The following NDUFS1 variants were observed in gnomAD, a reference collection of about 807,000 sequenced individuals.
NDUFS1 encodes the protein NADH:ubiquinone oxidoreductase core subunit S1.
In NDUFS1, 61 loss-of-function variants were observed where a neutral mutation model predicts 84.4. The ratio of observed to expected loss-of-function variants is 0.72; its 90% CI spans 0.59 to 0.89. NDUFS1 has a LOEUF of 0.89. NDUFS1 is among the 40% of genes least tolerant of loss of function. NDUFS1 has a pLI of 0.00. For missense variants in NDUFS1, 891 were observed against 890.0 expected, an observed-to-expected ratio of 1.00 and a Z score of -0.01; for synonymous variants, 275 against 290.0, an observed-to-expected ratio of 0.95 and a Z score of 0.53.
chr2:206,124,168 G>C lies in NDUFS1; in HGVS notation c.*17C>G. Reference sequence around the variant, plus strand: ...CCATTAATTATCTGCGGCAAAACTGGGATCCTAGTAGAAGCTTCAGCATAT... The same window carrying C: ...CCATTAATTATCTGCGGCAAAACTGCGATCCTAGTAGAAGCTTCAGCATAT... On this transcript the variant is annotated 3_prime_UTR_variant, in exon 19 of 19. Transcript: ENST00000233190. 1 of 1,550,168 alleles carries C rather than the reference G, an allele frequency of 6.5e-7. No homozygotes were observed. Among genetic ancestry groups the C allele is most frequent in the Non-Finnish European group, 8.9e-7 (1 of 1,121,974 alleles).
rs1187268506 is a variant in NDUFS1 at position 206,126,759 on chromosome 2, T to C, written c.1970A>G (p.Asp657Gly). 6.2e-7 allele frequency: 1 copy of C among 1,614,182 alleles called. No individual in the cohort carries two copies. The highest frequency in any genetic ancestry group is 8.5e-7 in the Non-Finnish European group (1 of 1,180,036). ...EEVSPNLVRY[D>G]DIEGANYFQQ... ...GAAGTAATTAGCCCCTTCAATATCA[T>C]CATATCGAACAAGATTAGGAGAGAC... Residue 657 changes from aspartate to glycine, a missense_variant, in exon 17 of 19, where the codon GAT becomes GGT. Asp to Gly is a moderately conservative substitution (Grantham distance 94). Coordinates refer to ENST00000233190, the MANE Select transcript of NDUFS1 (RefSeq NM_005006.7).
At chr2:206,150,790 T>C (rs1282645605) in intron 3 of NDUFS1, among the ~76,000 whole-genome samples, 2 of 152,140 alleles carry the variant, frequency 1.3e-5, no homozygotes, top group Non-Finnish European at 2.9e-5. Context: ...AAATGATTTC[T>C]CTCCCCTCTA....
In NDUFS1 at chr2:206,133,013, G is replaced by T; in HGVS notation, c.1485C>A (p.Ser495Arg). Residue 495 changes from serine to arginine, a missense_variant, in exon 14 of 19, where the codon AGC becomes AGA. Coordinates refer to ENST00000233190, the MANE Select transcript of NDUFS1 (RefSeq NM_005006.7). The stretch of plus-strand genomic sequence containing the variant: ...TAGTCATCCGAATCTTTTGTGCAAT[G>T]CTAGAAACAGCTGCAAGAATTGCTG... ...DGAAILAAVS[S>R]IAQKIRMTSG... 6.2e-7 allele frequency: 1 copy of T among 1,613,676 alleles called. No individual in the cohort carries two copies. The highest frequency in any genetic ancestry group is 8.5e-7 in the Non-Finnish European group (1 of 1,179,752).
intron 13 of NDUFS1, among the ~76,000 whole-genome samples, chr2:206,135,844 T>C (rs1691688691): frequency 6.6e-6 from 1 of 152,106 alleles, no homozygotes; most frequent in Non-Finnish European, 1.5e-5. Flanking sequence ...AATAAACAAG[T>C]TGTGCTTTGC....
intron 1 of NDUFS1, 71 bp downstream of exon 1, chr2:206,159,270 G>A (rs1687814224): frequency 1.2e-6 from 1 of 818,436 alleles, no homozygotes; most frequent in Non-Finnish European, 2.0e-6. Context: ...GTGGGCCAAA[G>A]GAAACAGTCC....
At chr2:206,130,375 G>T in intron 14 of NDUFS1, 133 bp from the exon 15 acceptor site, 1 of 1,182,648 alleles carries the variant, frequency 8.5e-7, no homozygotes, top group Non-Finnish European at 1.2e-6. Context: ...TTTTCTCGGC[G>T]ATAGAGTCTC....
At position 206,119,194 on chromosome 2, in the gene NDUFS1, C is replaced by T. The variant is rs1196054430; in HGVS notation, c.*4991G>A. On this transcript the variant is annotated 3_prime_UTR_variant, in exon 19 of 19. Transcript: ENST00000233190. ...GAAATTTTCCTACAATGATCATCCT[C>T]AGTTAGCACATGGGGCATTTAGTAT... 1 of 152,154 alleles carries T rather than the reference C, an allele frequency of 6.6e-6. No individual in the cohort carries two copies. The highest frequency in any genetic ancestry group is 1.5e-5 in the Non-Finnish European group (1 of 68,040). 9.4% of individuals were successfully genotyped at this position (152,154 alleles called of 1,614,324 possible). A position where few individuals can be genotyped will look rare whatever the true frequency, so the allele number is the denominator to read the frequency against.
intron 8 of NDUFS1, among the ~76,000 whole-genome samples, chr2:206,145,773 A>C (rs1370815740): frequency 1.3e-5 from 2 of 152,194 alleles, no homozygotes; most frequent in African/African-American, 4.8e-5. Context: ...AGGCCGGGGC[A>C]GGCTGTGAAG....
At chr2:206,137,333 G>A (rs1183027371) in intron 13 of NDUFS1, among the ~76,000 whole-genome samples, 1 of 152,092 alleles carries the variant, frequency 6.6e-6, no homozygotes, top group Non-Finnish European at 1.5e-5. Flanking sequence ...AATTAGCCAG[G>A]TGTGGTGGTG....
At chr2:206,144,184 A>G (rs549424943) in intron 9 of NDUFS1, 52 bp from the exon 10 acceptor site, 3 of 1,360,676 alleles carry the variant, frequency 2.2e-6, no homozygotes, top group African/African-American at 2.9e-5. Context: ...AAGTAACTAT[A>G]ATTTTCAAGT....
Position 206,149,015 on chromosome 2 carries a change from A to C in NDUFS1, c.338+5T>G, listed in dbSNP as rs1330778662. On this transcript the variant is annotated splice_donor_5th_base_variant and intron_variant, in intron 5 of 18. Transcript: ENST00000233190. ...AGGGTACTACATTGAATAACAATAA[A>C]GTACCTGGCTTTTTTGGATTTTTCT... 6.2e-7 allele frequency: 1 copy of C among 1,600,752 alleles called. No individual in the cohort carries two copies. Among genetic ancestry groups the C allele is most frequent in the African/African-American group, 1.3e-5 (1 of 74,556 alleles).
intron 18 of NDUFS1, 130 bp downstream of exon 18, chr2:206,126,409 G>T: frequency 1.1e-6 from 1 of 902,560 alleles, no homozygotes; most frequent in Non-Finnish European, 1.8e-6. Context: ...TAGTTCCAAT[G>T]TTTGAAAACC....
Position 206,159,321 on chromosome 2 carries a change from C to G in NDUFS1, c.-5+20G>C, listed in dbSNP as rs1687816786. 6.2e-6 allele frequency: 4 copies of G among 647,140 alleles called. No individual in the cohort carries two copies. Among genetic ancestry groups the G allele is most frequent in the Non-Finnish European group, 8.2e-6 (3 of 364,430 alleles). 40.1% of individuals were successfully genotyped at this position (647,140 alleles called of 1,614,324 possible). On this transcript the variant is annotated intron_variant, in intron 1 of 18. Coordinates refer to ENST00000233190, the MANE Select transcript of NDUFS1 (RefSeq NM_005006.7). Reference sequence around the variant, plus strand: ...CTCTGGCCGACGCACCTCACCCTTCCCATCCATACAAGACCTCACCTTCTC... The same window carrying G: ...CTCTGGCCGACGCACCTCACCCTTCGCATCCATACAAGACCTCACCTTCTC...
rs770487974 is a variant in NDUFS1 at position 206,121,781 on chromosome 2, T to C, written c.*2404A>G. 6.6e-6 allele frequency: 1 copy of C among 152,008 alleles called. No individual in the cohort carries two copies. Among genetic ancestry groups the C allele is most frequent in the Non-Finnish European group, 1.5e-5 (1 of 68,010 alleles). 9.4% of individuals were successfully genotyped at this position (152,008 alleles called of 1,614,324 possible). On this transcript the variant is annotated 3_prime_UTR_variant, in exon 19 of 19. Coordinates refer to ENST00000233190, the MANE Select transcript of NDUFS1 (RefSeq NM_005006.7). ...CAAGGTATTTTTTAGAGATTATGAT[T>C]GTTCACCACAAGCTGCCTAGCAGGT...
intron 14 of NDUFS1, among the ~76,000 whole-genome samples, chr2:206,130,837 T>A (rs1414968502): frequency 6.6e-6 from 1 of 152,216 alleles, no homozygotes; most frequent in Non-Finnish European, 1.5e-5. Flanking sequence ...TTAAGTCTGA[T>A]TCTTATTCAA....
intron 8 of NDUFS1, 53 bp from the exon 9 acceptor site, chr2:206,145,079 T>C (rs1458493977): frequency 1.3e-6 from 2 of 1,526,188 alleles, no homozygotes; most frequent in Non-Finnish European, 1.8e-6. Context: ...AAAGAAAGTT[T>C]CTGTTACCTG....
rs369413349 is a variant in NDUFS1, at chr2:206,138,467, C to T, written c.1392+18G>A. ...AATTAAAAATCAACAAGAGTAGATA[C>T]ACATAAGTTGAGAGCACCTGGCTAA... On this transcript the variant is annotated intron_variant, in intron 13 of 18. Coordinates refer to ENST00000233190, the MANE Select transcript of NDUFS1 (RefSeq NM_005006.7). 3.9e-5 allele frequency: 62 copies of T among 1,609,902 alleles called. No individual in the cohort carries two copies. Among genetic ancestry groups the T allele is most frequent in the South Asian group, 1.1e-4 (10 of 90,986 alleles).
At chr2:206,159,173 AG>A (rs1687807318) in intron 1 of NDUFS1, 167 bp downstream of exon 1, 2 of 1,535,164 alleles carry the variant, frequency 1.3e-6, no homozygotes, top group South Asian at 2.4e-5. Context: ...CGTGGCTAAA[AG>A]CCCCCCATCT....
chr2:206,116,154 T>G lies in NDUFS1; in HGVS notation c.*8031A>C. 1.3e-6 allele frequency: 2 copies of G among 1,535,836 alleles called. No homozygotes were observed. The highest frequency in any genetic ancestry group is 1.8e-6 in the Non-Finnish European group (2 of 1,109,654). On this transcript the variant is annotated 3_prime_UTR_variant, in exon 19 of 19. Transcript: ENST00000233190. ...ATGTATTTCTCATATGCTTCTTCAC[T>G]CATAAGTTCATCTAGTTATGAAGGG...
Sources: gnomAD v4.1 joint callset for allele counts (sites outside exome capture counted in the v4.1 genomes callset) on GRCh38, gnomAD v4.1.1 for gene constraint, MANE v1.5 for transcripts, NCBI Gene and HGNC (gene_info 2026-07-23, HGNC 2026-07-21) for gene names.